The following DENND5A variants were observed in gnomAD, a reference collection of about 807,000 sequenced individuals.
The protein encoded by DENND5A is DENN domain-containing protein 5A.
A neutral mutation model predicts 140.3 loss-of-function variants in DENND5A; 64 were observed. The observed-to-expected ratio is 0.46, with a 90% CI of 0.37 to 0.56. DENND5A has a LOEUF of 0.56. Ranked by LOEUF, DENND5A falls within the 20% of genes least tolerant of loss-of-function variation. The probability of loss-of-function intolerance (pLI) is 0.00; values close to 1 mark genes in which losing one functional copy is unlikely to be tolerated. For synonymous variants in DENND5A, 605 were observed against 607.7 expected, an observed-to-expected ratio of 1.00 and a Z score of 0.07; for missense variants, 1,292 against 1,593.8, an observed-to-expected ratio of 0.81 and a Z score of 3.22.
At chr11:9,251,808 T>G (rs1851732015) in intron 1 of DENND5A, among the ~76,000 whole-genome samples, 1 of 149,826 alleles carries the variant, frequency 6.7e-6, no homozygotes, top group Non-Finnish European at 1.5e-5. Context: ...GCTAACACAG[T>G]GAAACCCCGT....
intron 8 of DENND5A, 172 bp from the exon 9 acceptor site, chr11:9,170,949 A>C: frequency 8.5e-7 from 1 of 1,171,706 alleles, no homozygotes; most frequent in South Asian, 1.6e-5. Flanking sequence ...AAAATAATAT[A>C]AAATGATAAA....
chr11:9,234,315 C>A (rs944107636), intron 1 of DENND5A, among the ~76,000 whole-genome samples: 77 of 151,206 alleles, frequency 5.1e-4, no homozygotes, highest in African/African-American at 1.8e-3. Flanking sequence ...CCCACCGATC[C>A]CCCCCCCAAA....
intron 5 of DENND5A, among the ~76,000 whole-genome samples, chr11:9,190,853 C>G (rs1268724198): frequency 6.6e-6 from 1 of 152,116 alleles, no homozygotes; most frequent in Non-Finnish European, 1.5e-5. Context: ...TGAGACACCC[C>G]AAAGTCGTCT....
rs1271794575 is a variant in DENND5A, at chr11:9,170,769, T to C, written c.1915A>G (p.Ile639Val). The C allele has an allele frequency of 3.7e-6, 6 of 1,613,098 alleles. No individual in the cohort carries two copies. Among genetic ancestry groups the C allele is most frequent in the East Asian group, 2.2e-5 (1 of 44,860 alleles). ...TCAATTTTTGCCAGACGCAGCTCAA[T>C]TGCTTTCTCTGGATGAGAATACACA... ...CTTVDEAEKA[I>V]ELRLAKIDHT... Residue 639 changes from isoleucine to valine, a missense_variant, in exon 9 of 23, where the codon ATT (isoleucine) becomes GTT (valine). This residue lies in a region of DENND5A where 199 missense variants were observed against 189.1 expected (regional missense o/e 1.05). Coordinates refer to ENST00000328194, the MANE Select transcript of DENND5A (RefSeq NM_015213.4).
intron 22 of DENND5A, 200 bp from the exon 23 acceptor site, chr11:9,140,054 C>G: frequency 1.9e-6 from 2 of 1,068,642 alleles, no homozygotes; most frequent in Non-Finnish European, 2.7e-6. Flanking sequence ...TGACCCAAAT[C>G]AGCCCTGTCA....
chr11:9,178,249 T>TATC lies in DENND5A; in HGVS notation c.1786_1788dup (p.Asp596dup). On this transcript the variant is annotated inframe_insertion, in exon 8 of 23. Coordinates refer to ENST00000328194, the MANE Select transcript of DENND5A (RefSeq NM_015213.4). Reference sequence around the variant, plus strand: ...TCAAATACCCGGAGTACAGGGTCTTTATCATCATCATCATGACACATTATT... The same window carrying TATC: ...TCAAATACCCGGAGTACAGGGTCTTTATCATCATCATCATCATGACACATTATT... The TATC allele has an allele frequency of 1.9e-6, 3 of 1,613,798 alleles. No individual in the cohort carries two copies. The highest frequency in any genetic ancestry group is 2.5e-6 in the Non-Finnish European group (3 of 1,179,686).
Position 9,146,754 on chromosome 11 carries a change from T to G in DENND5A, c.2857+276A>C. ...CAGCTCAACTGACTCCACTCCACCT[T>G]CATCAGCTTAGGCTCCCAGAGCAGT... is the stretch of plus-strand genomic sequence containing the variant. On this transcript the variant is annotated intron_variant, in intron 16 of 22. Coordinates refer to ENST00000328194, the MANE Select transcript of DENND5A (RefSeq NM_015213.4). 1.3e-5 allele frequency: 4 copies of G among 301,886 alleles called. No individual in the cohort carries two copies. In the South Asian group the frequency reaches 2.9e-4, roughly 22 times the overall value. The allele number at this position is 301,886 out of a possible 1,614,324, so 18.7% of individuals were successfully genotyped here. A position where few individuals can be genotyped will look rare whatever the true frequency, so the allele number is the denominator to read the frequency against.
chr11:9,152,583 A>C, intron 12 of DENND5A, 141 bp from the exon 13 acceptor site: 1 of 639,372 alleles, frequency 1.6e-6, no homozygotes, highest in Non-Finnish European at 2.8e-6. Flanking sequence ...AGTGTATGCA[A>C]ATATATCAAT....
In DENND5A at chr11:9,160,949, G is replaced by T; in HGVS notation, c.2284-84C>A. 4 of 1,351,458 alleles carry T rather than the reference G, an allele frequency of 3.0e-6. No individual in the cohort carries two copies. The South Asian group carries it at 3.9e-5, about 13-fold the overall frequency. The allele number at this position is 1,351,458 out of a possible 1,614,324, so 83.7% of individuals were successfully genotyped here. A position where few individuals can be genotyped will look rare whatever the true frequency, so the allele number is the denominator to read the frequency against. Reference sequence around the variant, plus strand: ...GGAGAGGGTTCTGACAGCCTGCACAGTACATCTGTTGGGCTGGGAAGGACA... The same window carrying T: ...GGAGAGGGTTCTGACAGCCTGCACATTACATCTGTTGGGCTGGGAAGGACA... On this transcript the variant is annotated intron_variant, in intron 11 of 22. Transcript: ENST00000328194.
chr11:9,209,753 T>C (rs1564917102), intron 1 of DENND5A, among the ~76,000 whole-genome samples: 1 of 152,054 alleles, frequency 6.6e-6, no homozygotes, highest in Non-Finnish European at 1.5e-5. Flanking sequence ...TTCACAAACC[T>C]AAGATTTTTT....
chr11:9,177,718 AT>A (rs1310413480), intron 8 of DENND5A, among the ~76,000 whole-genome samples: 1 of 73,042 alleles, frequency 1.4e-5, no homozygotes, highest in Non-Finnish European at 2.8e-5. Context: ...CATTGACATC[AT>A]TTAAAAAAAA....
At chr11:9,177,146 C>A (rs934800730) in intron 8 of DENND5A, among the ~76,000 whole-genome samples, 1 of 150,812 alleles carries the variant, frequency 6.6e-6, no homozygotes, top group Non-Finnish European at 1.5e-5. Context: ...CCTAGCTACA[C>A]GGGAGACTGA....
chr11:9,192,699 G>C (rs1431316844), intron 5 of DENND5A, among the ~76,000 whole-genome samples: 1 of 150,968 alleles, frequency 6.6e-6, no homozygotes, highest in Admixed American at 6.6e-5. Flanking sequence ...AGGAAACGAA[G>C]AGTCATGGTG....
intron 11 of DENND5A, among the ~76,000 whole-genome samples, chr11:9,161,631 T>C (rs1324310500): frequency 6.6e-6 from 1 of 152,194 alleles, no homozygotes; most frequent in Non-Finnish European, 1.5e-5. Flanking sequence ...TTTCAACTGC[T>C]TATTGTAAGA....
In DENND5A at chr11:9,199,052, G is replaced by A. The variant is rs950481524; in HGVS notation, c.949+4608C>T. ...AGCTTAGGCAACAAGAGCAAACTCC[G>A]TCTCAAAAATAATAATAAATAATAA... is the stretch of plus-strand genomic sequence containing the variant. On this transcript the variant is annotated intron_variant, in intron 4 of 22. Coordinates refer to ENST00000328194, the MANE Select transcript of DENND5A (RefSeq NM_015213.4). 6.4e-5 allele frequency among the ~76,000 whole-genome samples: 5 copies of A among 78,360 alleles called. 1 individual carries two copies. The highest frequency in any genetic ancestry group is 1.4e-3 in the East Asian group (2 of 1,454). 51.4% of individuals were successfully genotyped at this position (78,360 alleles called of 152,430 possible).
intron 3 of DENND5A, among the ~76,000 whole-genome samples, chr11:9,204,767 G>A (rs536268657): frequency 3.3e-5 from 5 of 152,302 alleles, no homozygotes; most frequent in African/African-American, 9.6e-5. Flanking sequence ...GGAGGCCGAG[G>A]CATAAGAATC....
At chr11:9,194,682 T>C (rs1173923747) in intron 4 of DENND5A, among the ~76,000 whole-genome samples, 2 of 152,038 alleles carry the variant, frequency 1.3e-5, no homozygotes, top group African/African-American at 2.4e-5. Context: ...GCTCGTGGGC[T>C]TGTGATCATA....
At chr11:9,188,973 G>A (rs1452917928) in intron 5 of DENND5A, among the ~76,000 whole-genome samples, 1 of 152,238 alleles carries the variant, frequency 6.6e-6, no homozygotes, top group African/African-American at 2.4e-5. Context: ...GGGGGTAAAT[G>A]TCTCCAGAGC....
At chr11:9,264,605 T>C (rs1269656558) in intron 1 of DENND5A, among the ~76,000 whole-genome samples, 1 of 152,150 alleles carries the variant, frequency 6.6e-6, no homozygotes, top group Non-Finnish European at 1.5e-5. Context: ...GAACTTACTT[T>C]CACTAGGACG....
Sources: gnomAD v4.1 joint callset for allele counts (sites outside exome capture counted in the v4.1 genomes callset) on GRCh38, gnomAD v4.1.1 for gene constraint, gnomAD v4.1.1 regional missense constraint, MANE v1.5 for transcripts, NCBI Gene and HGNC (gene_info 2026-07-23, HGNC 2026-07-21) for gene names.